GRB2: variants seen among roughly 807,000 people sequenced by gnomAD.
The protein encoded by GRB2 is growth factor receptor-bound protein 2.
Under a neutral mutation model 27.4 loss-of-function variants are expected in GRB2, and 2 were observed. That is an observed-to-expected ratio of 0.07 (90% CI 0.03 to 0.23). The LOEUF (loss-of-function observed/expected upper bound fraction) is 0.23. Among genes scored for constraint, GRB2 ranks in the 10% least tolerant of loss-of-function variants. The probability of loss-of-function intolerance (pLI) is 1.00; values close to 1 mark genes in which losing one functional copy is unlikely to be tolerated. For missense variants in GRB2, 102 were observed against 282.4 expected (o/e 0.36, Z 4.58); for synonymous variants, 94 against 99.6 (o/e 0.94, Z 0.33).
At chr17:75,402,681 T>C (rs1724052224) in intron 1 of GRB2, among the ~76,000 whole-genome samples, 1 of 152,194 alleles carries the variant, frequency 6.6e-6, no homozygotes, top group Non-Finnish European at 1.5e-5. Context: ...TTTTTATGGA[T>C]ACTAAATTTT....
At chr17:75,361,625 T>C (rs780794038) in intron 2 of GRB2, among the ~76,000 whole-genome samples, 1 of 151,962 alleles carries the variant, frequency 6.6e-6, no homozygotes, top group African/African-American at 2.4e-5. Flanking sequence ...ATACACAGAG[T>C]CTGAGGAGCC....
intron 2 of GRB2, among the ~76,000 whole-genome samples, chr17:75,363,859 C>CAAAAAAAAAAAAAAA (rs55746272): frequency 3.1e-4 from 18 of 58,526 alleles, no homozygotes; most frequent in African/African-American, 8.2e-4. Context: ...GACTCCGTCT[C>CAAAAAAAAAAAAAAA]AAAAAAAAAA....
intron 2 of GRB2, among the ~76,000 whole-genome samples, chr17:75,376,841 A>T (rs567927336): frequency 6.6e-6 from 1 of 152,100 alleles, no homozygotes; most frequent in African/African-American, 2.4e-5. Context: ...ATCCCTACAA[A>T]ACAAAACAAA....
intron 2 of GRB2, among the ~76,000 whole-genome samples, chr17:75,378,831 G>A (rs1423241026): frequency 6.6e-6 from 1 of 152,196 alleles, no homozygotes; most frequent in Non-Finnish European, 1.5e-5. Context: ...ATTAAATGAG[G>A]CCATTAGTTA....
chr17:75,366,518 G>A lies in GRB2; in HGVS notation c.78+27033C>T, dbSNP rs556580087. ...CAGCTTCCAAAAAAAAAAAAAAAAC[G>A]GCCAGCTGCCGTGGCTCACACTGTA... is the stretch of plus-strand genomic sequence containing the variant. On this transcript the variant is annotated intron_variant, in intron 2 of 5. Transcript: ENST00000316804. Among the ~76,000 whole-genome samples, 501 of 101,470 alleles carry A rather than the reference G, an allele frequency of 4.9e-3. 2 individuals carry two copies. Among genetic ancestry groups the A allele is most frequent in the African/African-American group, 0.013 (476 of 35,682 alleles). The allele number at this position is 101,470 out of a possible 152,430, so 66.6% of individuals were successfully genotyped here.
intron 2 of GRB2, among the ~76,000 whole-genome samples, chr17:75,351,238 T>C (rs2078690375): frequency 6.6e-6 from 1 of 151,990 alleles, no homozygotes; most frequent in Admixed American, 6.6e-5. Flanking sequence ...AGTTTATCCC[T>C]CCCTCTCAAA....
chr17:75,322,372 C>CAAAAAAAAAAAAAAAAAAAACAAAAA, intron 4 of GRB2, among the ~76,000 whole-genome samples: 1 of 84,614 alleles, frequency 1.2e-5, no homozygotes. Context: ...AACTCTGTCT[C>CAAAAAAAAAAAAAAAAAAAACAAAAA]AAAAAAAAAA....
intron 2 of GRB2, among the ~76,000 whole-genome samples, chr17:75,354,272 G>GGA (rs1555610725): frequency 2.4e-5 from 3 of 126,602 alleles, no homozygotes; most frequent in African/African-American, 8.2e-5. Context: ...TTTGGGGGGG[G>GGA]GGGGGAGATG....
chr17:75,368,992 T>C (rs2078838663), intron 2 of GRB2, among the ~76,000 whole-genome samples: 1 of 152,174 alleles, frequency 6.6e-6, no homozygotes, highest in African/African-American at 2.4e-5. Context: ...ACCATTATTA[T>C]CCCCATTTTT....
chr17:75,346,333 C>T (rs891835298), intron 2 of GRB2, among the ~76,000 whole-genome samples: 1 of 151,654 alleles, frequency 6.6e-6, no homozygotes, highest in Non-Finnish European at 1.5e-5. Flanking sequence ...GTCTCTACTA[C>T]AAAATACAAA....
chr17:75,398,543 G>C (rs1260649388), intron 1 of GRB2, among the ~76,000 whole-genome samples: 1 of 151,788 alleles, frequency 6.6e-6, no homozygotes, highest in East Asian at 1.9e-4. Context: ...TTACAGGTAT[G>C]AGCCACCGCA....
rs115312537 is a variant in GRB2, at chr17:75,366,475, A to T, written c.78+27076T>A. Among the ~76,000 whole-genome samples the T allele has an allele frequency of 4.2e-3, 600 of 142,562 alleles. 7 individuals carry two copies. The highest frequency in any genetic ancestry group is 0.014 in the African/African-American group (568 of 40,570). The allele number at this position is 142,562 out of a possible 152,430, so 93.5% of individuals were successfully genotyped here. A position where few individuals can be genotyped will look rare whatever the true frequency, so the allele number is the denominator to read the frequency against. On this transcript the variant is annotated intron_variant, in intron 2 of 5. Transcript: ENST00000316804. The stretch of plus-strand genomic sequence containing the variant: ...GCACAGGCAATCATTTGAACCCTTG[A>T]ACACAGGAGTTTGAGATCAGCTTCC...
At chr17:75,390,371 T>A (rs2078990685) in intron 2 of GRB2, among the ~76,000 whole-genome samples, 1 of 152,218 alleles carries the variant, frequency 6.6e-6, no homozygotes, top group Non-Finnish European at 1.5e-5. Flanking sequence ...TTTTATGTGC[T>A]CTAGTGTAGA....
At chr17:75,353,212 A>C (rs960815574) in intron 2 of GRB2, among the ~76,000 whole-genome samples, 1 of 150,238 alleles carries the variant, frequency 6.7e-6, no homozygotes, top group Non-Finnish European at 1.5e-5. Flanking sequence ...ACACAGTTGT[A>C]CCTTGTATTC....
At position 75,319,029 on chromosome 17, in the gene GRB2, G is replaced by C. The variant is rs1342674139; in HGVS notation, c.*1339C>G. Reference sequence around the variant, plus strand: ...AAGCCAGATCCAGTGGGATGTGGGAGAGCTGGGCGGTCACCTTCCCTCTTG... The same window carrying C: ...AAGCCAGATCCAGTGGGATGTGGGACAGCTGGGCGGTCACCTTCCCTCTTG... On this transcript the variant is annotated 3_prime_UTR_variant, in exon 6 of 6. Coordinates refer to ENST00000316804, the MANE Select transcript of GRB2 (RefSeq NM_002086.5). 3 of 152,440 alleles carry C rather than the reference G, an allele frequency of 2.0e-5. No homozygotes were observed. The highest frequency in any genetic ancestry group is 7.3e-5 in the African/African-American group (3 of 41,346). 9.4% of individuals were successfully genotyped at this position (152,440 alleles called of 1,614,324 possible).
At chr17:75,370,550 A>G (rs931029631) in intron 2 of GRB2, among the ~76,000 whole-genome samples, 1 of 152,200 alleles carries the variant, frequency 6.6e-6, no homozygotes, top group African/African-American at 2.4e-5. Context: ...CACAATTAAG[A>G]CTTCAAACAG....
chr17:75,338,621 T>C (rs1467382933), intron 2 of GRB2, among the ~76,000 whole-genome samples: 1 of 152,168 alleles, frequency 6.6e-6, no homozygotes, highest in Non-Finnish European at 1.5e-5. Context: ...AGCAGATTGA[T>C]CAAGAGATGA....
Position 75,324,507 on chromosome 17 carries a change from G to GTTTTTTT in GRB2, c.299+1384_299+1390dup, listed in dbSNP as rs767194304. Among the ~76,000 whole-genome samples the GTTTTTTT allele has an allele frequency of 8.2e-3, 299 of 36,658 alleles. 27 individuals carry two copies. Among genetic ancestry groups the GTTTTTTT allele is most frequent in the East Asian group, 0.04 (15 of 376 alleles). The allele number at this position is 36,658 out of a possible 152,430, so 24.0% of individuals were successfully genotyped here. ...TTACAGGTGTGAGCCACCGCACCCA[G>GTTTTTTT]TTTTTTTTTTTTTTTTTTTTTTTTT... On this transcript the variant is annotated intron_variant, in intron 4 of 5. Coordinates refer to ENST00000316804, the MANE Select transcript of GRB2 (RefSeq NM_002086.5).
intron 1 of GRB2, among the ~76,000 whole-genome samples, chr17:75,400,942 T>C (rs940073169): frequency 6.6e-6 from 1 of 151,516 alleles, no homozygotes; most frequent in African/African-American, 2.4e-5. Flanking sequence ...ATGGAGTATC[T>C]ACATAAATAC....
Sources: allele counts gnomAD v4.1 joint callset (sites outside exome capture counted in the v4.1 genomes callset), GRCh38; gene constraint gnomAD v4.1.1; transcripts MANE v1.5; gene names NCBI Gene and HGNC (gene_info 2026-07-23, HGNC 2026-07-21).